CEP135: variants seen among roughly 807,000 people sequenced by gnomAD.
CEP135 encodes the protein centrosomal protein of 135 kDa.
A neutral mutation model predicts 157.3 loss-of-function variants in CEP135; 142 were observed. The ratio of observed to expected loss-of-function variants is 0.90; its 90% CI spans 0.79 to 1.04. The LOEUF is 1.04. Among genes scored for constraint, CEP135 ranks in the 50% least tolerant of loss-of-function variants. CEP135 has a pLI of 0.00. For missense variants in CEP135, 1,317 were observed against 1,309.2 expected, an observed-to-expected ratio of 1.01 and a Z score of -0.09; for synonymous variants, 396 against 439.8, an observed-to-expected ratio of 0.90 and a Z score of 1.25.
rs774162135 is a variant in CEP135 at position 56,019,356 on chromosome 4, G to A, written c.3016G>A (p.Val1006Met). The A allele has an allele frequency of 2.5e-6, 4 of 1,608,522 alleles. No individual in the cohort carries two copies. The South Asian group carries it at 4.5e-5, about 18-fold the overall frequency. ...NSKNLEFERV[V>M]VELENVKSES... is the part of the protein sequence containing the mutation. The stretch of plus-strand genomic sequence containing the variant: ...TCTTACTTTGTTTTTCACGTAGGTT[G>A]TGGTGGAATTAGAAAATGTAAAGTC... Residue 1006 changes from valine (V) to methionine (M), a missense_variant, in exon 23 of 26, where the codon GTG (valine) becomes ATG (methionine). Val to Met is a conservative substitution (Grantham distance 21). Transcript: ENST00000257287.
intron 11 of CEP135, among the ~76,000 whole-genome samples, chr4:55,979,734 G>A (rs568704507): frequency 2.6e-5 from 4 of 152,240 alleles, no homozygotes; most frequent in Admixed American, 2.0e-4. Flanking sequence ...GGCCCTACCC[G>A]GAAGTTTCTT....
At position 56,033,143 on chromosome 4, in the gene CEP135, G is replaced by T. The variant is rs914246567; in HGVS notation, c.*1795G>T. On this transcript the variant is annotated 3_prime_UTR_variant, in exon 26 of 26. Transcript: ENST00000257287. Reference sequence around the variant, plus strand: ...CTCCACCTTTTCCCCAAAAGCAACAGCAAGACATATTTTGTTAGATATTTT... The same window carrying T: ...CTCCACCTTTTCCCCAAAAGCAACATCAAGACATATTTTGTTAGATATTTT... 4.0e-5 allele frequency: 6 copies of T among 151,878 alleles called. No homozygotes were observed. The highest frequency in any genetic ancestry group is 1.5e-4 in the African/African-American group (6 of 41,376). 9.4% of individuals were successfully genotyped at this position (151,878 alleles called of 1,614,324 possible).
At chr4:55,964,067 A>T (rs193258800) in intron 6 of CEP135, among the ~76,000 whole-genome samples, 5 of 152,364 alleles carry the variant, frequency 3.3e-5, no homozygotes, top group Admixed American at 2.6e-4. Context: ...CATATGAAAG[A>T]TATAGTGACA....
At chr4:55,985,194 T>C in intron 13 of CEP135, 87 bp from the exon 14 acceptor site, 1 of 619,768 alleles carries the variant, frequency 1.6e-6, no homozygotes, top group South Asian at 2.3e-5. Context: ...TACAATATAA[T>C]AGAACTGTAG....
intron 23 of CEP135, 130 bp from the exon 24 acceptor site, chr4:56,020,546 A>T: frequency 1.4e-6 from 1 of 697,272 alleles, no homozygotes; most frequent in Non-Finnish European, 2.5e-6. Context: ...AAAATGTGAT[A>T]AAAGCTCTAG....
intron 25 of CEP135, among the ~76,000 whole-genome samples, chr4:56,028,610 GAA>G (rs374349771): frequency 2.2e-5 from 3 of 138,860 alleles, no homozygotes; most frequent in Non-Finnish European, 1.6e-5. Context: ...ATTGCTCAAG[GAA>G]AAAAAAAAAA....
chr4:56,017,700 C>A lies in CEP135; in HGVS notation c.2855C>A (p.Ala952Asp), dbSNP rs1730823578. The change falls in exon 22 of 26, where the codon GCC becomes GAC. Residue 952 changes from alanine to aspartate, a missense_variant. Coordinates refer to ENST00000257287, the MANE Select transcript of CEP135 (RefSeq NM_025009.5). ...TCTCAGATCTCATCAATGGCAAAAG[C>A]CATGTCTCGATTAGAAGAAGAGCTG... Reference protein sequence around the residue: ...YESQISSMAKAMSRLEEELRH... With the variant: ...YESQISSMAKDMSRLEEELRH... 6.2e-7 allele frequency: 1 copy of A among 1,613,694 alleles called. No homozygotes were observed. The highest frequency in any genetic ancestry group is 2.2e-5 in the East Asian group (1 of 44,840).
chr4:55,998,174 T>C (rs1350823124), intron 15 of CEP135, among the ~76,000 whole-genome samples: 1 of 152,170 alleles, frequency 6.6e-6, no homozygotes, highest in African/African-American at 2.4e-5. Flanking sequence ...CTACCCTCAG[T>C]ATCTTTTTCC....
rs756043943 is a variant in CEP135, at chr4:55,954,371, G to A, written c.460G>A (p.Val154Ile). The A allele has an allele frequency of 7.5e-6, 12 of 1,597,430 alleles. No individual in the cohort carries two copies. Among genetic ancestry groups the A allele is most frequent in the African/African-American group, 4.1e-5 (3 of 73,884 alleles). Residue 154 changes from valine to isoleucine, a missense_variant, in exon 4 of 26, where the codon GTA becomes ATA. Transcript: ENST00000257287. ...TCAAGAAAAGAATTTGCATGCTGTA[G>A]TACAAACTCCAGGTAAATCGATTCC... Reference protein sequence around the residue: ...QLQEKNLHAVVQTPGGKKRSI... With the variant: ...QLQEKNLHAVIQTPGGKKRSI...
In CEP135 at chr4:56,019,454, TACAA is replaced by T. The variant is rs751437333; in HGVS notation, c.3118_3121del (p.Asn1040GlufsTer9). On this transcript the variant is annotated frameshift_variant, in exon 23 of 26. Coordinates refer to ENST00000257287, the MANE Select transcript of CEP135 (RefSeq NM_025009.5). LOFTEE classifies it high-confidence loss of function. ...TTAAAAACCTCGAATCATTGTTGGC[TACAA>T]ACAGAGATAAAGAATTTCATTCTCA... 3.9e-5 allele frequency: 63 copies of T among 1,613,864 alleles called. No individual in the cohort carries two copies. Among genetic ancestry groups the T allele is most frequent in the Non-Finnish European group, 4.7e-5 (55 of 1,179,912 alleles).
At chr4:55,987,991 A>G (rs1729643386) in intron 14 of CEP135, among the ~76,000 whole-genome samples, 1 of 152,202 alleles carries the variant, frequency 6.6e-6, no homozygotes, top group South Asian at 2.1e-4. Context: ...AAGATAAATA[A>G]AAAGAAAATG....
At chr4:56,012,094 G>T (rs1469284044) in intron 21 of CEP135, 109 bp downstream of exon 21, 1 of 736,776 alleles carries the variant, frequency 1.4e-6, no homozygotes, top group Non-Finnish European at 2.0e-6. Context: ...GTCTGACTCT[G>T]TTGCCCAGGC....
intron 6 of CEP135, 46 bp from the exon 7 acceptor site, chr4:55,964,228 G>A (rs1048394509): frequency 6.4e-7 from 1 of 1,566,544 alleles, no homozygotes; most frequent in Admixed American, 2.0e-5. Flanking sequence ...TAATCATTTG[G>A]TTGAAAACCA....
rs1352940670 is a variant in CEP135, at chr4:56,017,789, A to G, written c.2944A>G (p.Ile982Val). 4 of 1,613,860 alleles carry G rather than the reference A, an allele frequency of 2.5e-6. No homozygotes were observed. Among genetic ancestry groups the G allele is most frequent in the Non-Finnish European group, 3.4e-6 (4 of 1,180,008 alleles). The change falls in exon 22 of 26, where the codon ATT becomes GTT. Residue 982 changes from isoleucine to valine, a missense_variant. Ile to Val is a conservative substitution (Grantham distance 29). Transcript: ENST00000257287. ...NDLSSLRELC[I>V]KLDSGKDIMT... Reference sequence around the variant, plus strand: ...CTTGTCATCTCTTAGAGAACTTTGCATTAAACTTGATTCAGGCAAAGATAT... The same window carrying G: ...CTTGTCATCTCTTAGAGAACTTTGCGTTAAACTTGATTCAGGCAAAGATAT...
chr4:55,957,783 T>A (rs1409720178), intron 5 of CEP135, among the ~76,000 whole-genome samples: 1 of 152,248 alleles, frequency 6.6e-6, no homozygotes, highest in Non-Finnish European at 1.5e-5. Flanking sequence ...TCTGTGTTTA[T>A]ATTTCCTTAC....
At chr4:55,971,458 A>G (rs1445093185) in intron 10 of CEP135, 50 bp downstream of exon 10, 6 of 1,518,460 alleles carry the variant, frequency 4.0e-6, no homozygotes, top group Non-Finnish European at 5.3e-6. Flanking sequence ...TTTCCTCTTG[A>G]TGTATTGTTT....
intron 15 of CEP135, among the ~76,000 whole-genome samples, chr4:55,996,885 C>A (rs1233046940): frequency 6.6e-6 from 1 of 152,074 alleles, no homozygotes; most frequent in Non-Finnish European, 1.5e-5. Flanking sequence ...TTACCTTTGT[C>A]CCCTAAATGA....
chr4:55,953,141 C>T lies in CEP135; in HGVS notation c.170C>T (p.Ala57Val), dbSNP rs753628355. 5.6e-6 allele frequency: 9 copies of T among 1,606,950 alleles called. No individual in the cohort carries two copies. In the Admixed American group the frequency reaches 1.2e-4, roughly 21 times the overall value. The change falls in exon 3 of 26, where the codon GCT (alanine) becomes GTT (valine). Residue 57 changes from alanine (A) to valine (V), a missense_variant. By Grantham distance (64) the Ala-to-Val change is moderately conservative. Transcript: ENST00000257287. ...CAATCAAAATTATCTGCTGTGAAAGCTGAAAAAGAAAGTGCCAATTTTGAT... is the reference window on the plus strand; with the variant it reads ...CAATCAAAATTATCTGCTGTGAAAGTTGAAAAAGAAAGTGCCAATTTTGAT... ...LRQSKLSAVK[A>V]EKESANFDFV...
chr4:55,964,120 C>T (rs1728769181), intron 6 of CEP135, among the ~76,000 whole-genome samples, 154 bp from the exon 7 acceptor site: 1 of 152,204 alleles, frequency 6.6e-6, no homozygotes, highest in Non-Finnish European at 1.5e-5. Flanking sequence ...TTTTGTTCTG[C>T]ATTTATGCAT....
Sources: allele counts gnomAD v4.1 joint callset (sites outside exome capture counted in the v4.1 genomes callset), GRCh38; gene constraint gnomAD v4.1.1; transcripts MANE v1.5; gene names NCBI Gene and HGNC (gene_info 2026-07-23, HGNC 2026-07-21).